OTOP1: variants seen among roughly 807,000 people sequenced by gnomAD.
OTOP1 encodes proton channel OTOP1.
In OTOP1, 59 loss-of-function variants were observed where a neutral mutation model predicts 52.9. That is an observed-to-expected ratio of 1.12 (90% confidence interval 0.91 to 1.39). OTOP1 has a LOEUF of 1.39. OTOP1 is among the 40% of genes most tolerant of loss of function. OTOP1 has a pLI of 0.00. For missense variants in OTOP1, 761 were observed against 800.9 expected (o/e 0.95, Z 0.60); for synonymous variants, 317 against 337.7 (o/e 0.94, Z 0.67).
At chr4:4,219,822 TAC>T (rs1717238704) in intron 1 of OTOP1, among the ~76,000 whole-genome samples, 2 of 129,298 alleles carry the variant, frequency 1.5e-5, no homozygotes, top group South Asian at 5.2e-4. Flanking sequence ...TATATATGTA[TAC>T]ATATGTGTAT....
chr4:4,198,153 G>A, intron 4 of OTOP1, 50 bp from the exon 5 acceptor site: 1 of 1,499,782 alleles, frequency 6.7e-7, no homozygotes, highest in South Asian at 1.2e-5. Context: ...AGGTGCAAGG[G>A]GGAACAGAAA....
intron 1 of OTOP1, among the ~76,000 whole-genome samples, chr4:4,214,669 G>A (rs1262029364): frequency 6.6e-6 from 1 of 152,112 alleles, no homozygotes; most frequent in Non-Finnish European, 1.5e-5. Flanking sequence ...TGAGCCATGA[G>A]GACATTATGC....
In OTOP1 at chr4:4,226,770, G is replaced by A; in HGVS notation, c.95C>T (p.Ser32Leu). ...SSGPAACSPP[S>L]SSAPRSPESP... ...TTCCGGGGACCTCGGGGCCGAGGAC[G>A]AGGGAGGCGAGCAGGCCGCTGGCCC... Residue 32 changes from serine to leucine, a missense_variant, in exon 1 of 6, where the codon TCG (serine) becomes TTG (leucine). By Grantham distance (145) the Ser-to-Leu change is moderately radical. Coordinates refer to ENST00000296358, the MANE Select transcript of OTOP1 (RefSeq NM_177998.3). 7.2e-7 allele frequency: 1 copy of A among 1,379,490 alleles called. No individual in the cohort carries two copies. Among genetic ancestry groups the A allele is most frequent in the Non-Finnish European group, 9.4e-7 (1 of 1,069,280 alleles). The allele number at this position is 1,379,490 out of a possible 1,614,324, so 85.5% of individuals were successfully genotyped here.
At chr4:4,204,749 T>C (rs898871216) in intron 3 of OTOP1, among the ~76,000 whole-genome samples, 48 of 149,496 alleles carry the variant, frequency 3.2e-4, no homozygotes, top group East Asian at 1.2e-3. Flanking sequence ...TGTGTGTGTG[T>C]GCGTGTGCAT....
At chr4:4,189,063 G>A (rs1431615847) in intron 5 of OTOP1, 90 bp from the exon 6 acceptor site, 7 of 1,258,424 alleles carry the variant, frequency 5.6e-6, no homozygotes, top group Non-Finnish European at 6.7e-6. Flanking sequence ...CATGGGAGCT[G>A]AACCTAATGC....
intron 3 of OTOP1, among the ~76,000 whole-genome samples, chr4:4,204,590 A>G (rs1577179170): frequency 6.6e-6 from 1 of 152,204 alleles, no homozygotes. Flanking sequence ...CCACAAACCA[A>G]GGGCAGACGT....
At chr4:4,225,286 C>G (rs1168525785) in intron 1 of OTOP1, among the ~76,000 whole-genome samples, 1 of 152,180 alleles carries the variant, frequency 6.6e-6, no homozygotes, top group East Asian at 1.9e-4. Flanking sequence ...ACTGGCAGCC[C>G]CAGCCAGGCA....
At chr4:4,201,467 T>TACACACAC (rs374925758) in intron 4 of OTOP1, among the ~76,000 whole-genome samples, 2,585 of 126,246 alleles carry the variant, frequency 0.02, 53 homozygotes, top group African/African-American at 0.059. Context: ...TAAATATATA[T>TACACACAC]ATATACACAC....
intron 5 of OTOP1, among the ~76,000 whole-genome samples, chr4:4,192,212 C>T (rs191660043): frequency 1.6e-3 from 236 of 152,250 alleles, no homozygotes; most frequent in African/African-American, 5.2e-3. Context: ...CCACCAAGTA[C>T]GGAGTCCGAC....
At position 4,197,207 on chromosome 4, in the gene OTOP1, G is replaced by C; in HGVS notation, c.1627C>G (p.Leu543Val). The part of the protein sequence containing the change: ...FLQGNAKRKV[L>V]RNIAAFLFLC... ...AACAAGAAGGCTGCAATATTCCTCA[G>C]GACTTTTCTCTTGGCGTTGCCCTGT... Residue 543 changes from leucine (L) to valine (V), a missense_variant, in exon 5 of 6, where the codon CTG becomes GTG. This residue lies in a region of OTOP1 where 632 missense variants were observed against 619.5 expected (regional missense o/e 1.02). Coordinates refer to ENST00000296358, the MANE Select transcript of OTOP1 (RefSeq NM_177998.3). The C allele has an allele frequency of 6.2e-7, 1 of 1,612,732 alleles. No individual in the cohort carries two copies. Among genetic ancestry groups the C allele is most frequent in the Non-Finnish European group, 8.5e-7 (1 of 1,179,784 alleles).
chr4:4,222,648 A>G (rs1252154971), intron 1 of OTOP1, among the ~76,000 whole-genome samples: 1 of 152,234 alleles, frequency 6.6e-6, no homozygotes, highest in Non-Finnish European at 1.5e-5. Context: ...CATGGAGTTA[A>G]GCAAGACCCT....
intron 2 of OTOP1, among the ~76,000 whole-genome samples, chr4:4,209,872 G>A (rs1242327511): frequency 1.3e-5 from 2 of 152,094 alleles, no homozygotes; most frequent in African/African-American, 4.8e-5. Context: ...CTACCCCACT[G>A]TGAAGAAAGA....
At position 4,197,399 on chromosome 4, in the gene OTOP1, G is replaced by T; in HGVS notation, c.1435C>A (p.Pro479Thr). 6.2e-7 allele frequency: 1 copy of T among 1,614,058 alleles called. No individual in the cohort carries two copies. Among genetic ancestry groups the T allele is most frequent in the Non-Finnish European group, 8.5e-7 (1 of 1,180,026 alleles). ...TCTCTGGCCACACCTCCACTCTTGGGGCAGGAAGAAGCAAGGGGCATGGTG... is the reference window on the plus strand; with the variant it reads ...TCTCTGGCCACACCTCCACTCTTGGTGCAGGAAGAAGCAAGGGGCATGGTG... The part of the protein sequence containing the change: ...GNTMPLASSC[P>T]KSGGVARDVA... The change falls in exon 5 of 6, where the codon CCC becomes ACC. Residue 479 changes from proline to threonine, a missense_variant. Pro to Thr is a conservative substitution (Grantham distance 38). Around this residue, in one of 3 missense-constraint regions of OTOP1, gnomAD observed 632 missense variants for 619.5 expected, o/e 1.02. Coordinates refer to ENST00000296358, the MANE Select transcript of OTOP1 (RefSeq NM_177998.3).
chr4:4,223,166 C>A (rs1305618806), intron 1 of OTOP1, among the ~76,000 whole-genome samples: 1 of 152,212 alleles, frequency 6.6e-6, no homozygotes, highest in Non-Finnish European at 1.5e-5. Flanking sequence ...CTCTCTCTAC[C>A]TTGCCCATTT....
chr4:4,201,351 T>C (rs1313313446), intron 4 of OTOP1, among the ~76,000 whole-genome samples: 2 of 151,892 alleles, frequency 1.3e-5, no homozygotes, highest in East Asian at 1.9e-4. Flanking sequence ...CACTTGAACC[T>C]GGGAGGCAGA....
At chr4:4,196,096 A>T (rs1716616622) in intron 5 of OTOP1, among the ~76,000 whole-genome samples, 1 of 152,248 alleles carries the variant, frequency 6.6e-6, no homozygotes, top group Non-Finnish European at 1.5e-5. Flanking sequence ...AGAGAAACCT[A>T]GATGTCCATC....
intron 2 of OTOP1, among the ~76,000 whole-genome samples, chr4:4,211,196 T>C (rs1195700764): frequency 2.0e-5 from 3 of 152,190 alleles, no homozygotes; most frequent in African/African-American, 7.2e-5. Flanking sequence ...CTAAGTCAGC[T>C]GGGGGTACAA....
intron 2 of OTOP1, among the ~76,000 whole-genome samples, chr4:4,207,134 T>C (rs1991915): frequency 0.6 from 91,267 of 152,048 alleles, 27,992 homozygotes; most frequent in African/African-American, 0.67. Context: ...ACCTAAGATT[T>C]ACTGTCTTAC....
chr4:4,217,771 G>T (rs1717182381), intron 1 of OTOP1, among the ~76,000 whole-genome samples: 1 of 152,156 alleles, frequency 6.6e-6, no homozygotes, highest in Non-Finnish European at 1.5e-5. Context: ...GAGGGTGAGA[G>T]AAAACTGTCA....
Sources: gnomAD v4.1 joint callset for allele counts (sites outside exome capture counted in the v4.1 genomes callset) on GRCh38, gnomAD v4.1.1 for gene constraint, gnomAD v4.1.1 regional missense constraint, MANE v1.5 for transcripts, NCBI Gene and HGNC (gene_info 2026-07-23, HGNC 2026-07-21) for gene names.